The following SDCCAG8 variants were observed in gnomAD, a reference collection of about 807,000 sequenced individuals.
SDCCAG8 encodes serologically defined colon cancer antigen 8.
Under a neutral mutation model 101.8 loss-of-function variants are expected in SDCCAG8, and 74 were observed. That is an observed-to-expected ratio of 0.73 (90% CI 0.60 to 0.88). The LOEUF (loss-of-function observed/expected upper bound fraction) is 0.88, where lower values mean the gene tolerates loss of function less well. Among genes scored for constraint, SDCCAG8 ranks in the 40% least tolerant of loss-of-function variants. The pLI is 0.00. For synonymous variants in SDCCAG8, 281 were observed against 292.9 expected (o/e 0.96, Z 0.41); for missense variants, 787 against 822.6 (o/e 0.96, Z 0.53).
chr1:243,296,628 C>G (rs1388742966), intron 6 of SDCCAG8, among the ~76,000 whole-genome samples: 1 of 140,272 alleles, frequency 7.1e-6, no homozygotes, highest in Non-Finnish European at 1.5e-5. Context: ...CTGCAAGCTC[C>G]GCCTTCCGGG....
At chr1:243,477,576 C>T (rs968823404) in intron 16 of SDCCAG8, among the ~76,000 whole-genome samples, 1 of 152,248 alleles carries the variant, frequency 6.6e-6, no homozygotes, top group African/African-American at 2.4e-5. Flanking sequence ...AGTGATTCAA[C>T]AGATCTAATT....
intron 16 of SDCCAG8, among the ~76,000 whole-genome samples, chr1:243,432,452 A>G (rs143106588): frequency 2.0e-5 from 3 of 152,340 alleles, no homozygotes; most frequent in African/African-American, 7.2e-5. Flanking sequence ...CTAGGGTGAC[A>G]GTTATAATCT....
chr1:243,294,473 T>TGG (rs748640257), intron 6 of SDCCAG8, among the ~76,000 whole-genome samples: 116 of 94,920 alleles, frequency 1.2e-3, no homozygotes, highest in East Asian at 5.3e-3. Flanking sequence ...CCCCAAAAGG[T>TGG]GGGGGGGGGG....
chr1:243,405,998 A>C (rs889248392), intron 13 of SDCCAG8, among the ~76,000 whole-genome samples: 1 of 152,194 alleles, frequency 6.6e-6, no homozygotes, highest in Non-Finnish European at 1.5e-5. Context: ...TTCCATTGAC[A>C]TGTTATAGAA....
Position 243,388,977 on chromosome 1 carries a change from G to A in SDCCAG8, c.1616+10114G>A, listed in dbSNP as rs897630916. On this transcript the variant is annotated intron_variant, in intron 13 of 17. Transcript: ENST00000366541. ...TGCCTGAGTCCTGGCTATTTGGGAG[G>A]CTACGTGGTGGTGCGTGCCTGAGTC... Among the ~76,000 whole-genome samples, 7 of 150,660 alleles carry A rather than the reference G, an allele frequency of 4.6e-5. No individual in the cohort carries two copies. The South Asian group carries it at 1.3e-3, about 28-fold the overall frequency.
intron 8 of SDCCAG8, among the ~76,000 whole-genome samples, chr1:243,308,585 A>G (rs1275134484): frequency 6.6e-6 from 1 of 152,186 alleles, no homozygotes; most frequent in Non-Finnish European, 1.5e-5. Flanking sequence ...GCTGTACTTC[A>G]GGTAGAATGA....
chr1:243,371,349 C>G (rs1454438490), intron 12 of SDCCAG8, among the ~76,000 whole-genome samples: 2 of 152,150 alleles, frequency 1.3e-5, no homozygotes, highest in Non-Finnish European at 2.9e-5. Context: ...AATCTCAGCT[C>G]TGCCACTGTA....
rs1483450637 is a variant in SDCCAG8, at chr1:243,269,786, T to G, written c.68-319T>G. Among the ~76,000 whole-genome samples the G allele has an allele frequency of 2.6e-5, 4 of 152,144 alleles. No individual in the cohort carries two copies. In the East Asian group the frequency reaches 7.7e-4, roughly 29 times the overall value. On this transcript the variant is annotated intron_variant, in intron 1 of 17. Coordinates refer to ENST00000366541, the MANE Select transcript of SDCCAG8 (RefSeq NM_006642.5). ...CATGGTGGGAAGGAGAGCACTTCCC[T>G]TAGCAAGTTATTGTTTAATGGGAGC...
rs1661880683 is a variant in SDCCAG8, at chr1:243,474,240, G to T, written c.1986-14774G>T. On this transcript the variant is annotated intron_variant, in intron 16 of 17. Transcript: ENST00000366541. The surrounding 1 kb of genome is among the most constrained non-coding windows in gnomAD (Gnocchi z 4.7). ...ATTGCCTCTCAGGGGAAAGAACTTG[G>T]GACGTGAGCATGGAGTTAATGAAGC... Among the ~76,000 whole-genome samples, 1 of 152,134 alleles carries T rather than the reference G, an allele frequency of 6.6e-6. No homozygotes were observed. Among genetic ancestry groups the T allele is most frequent in the Non-Finnish European group, 1.5e-5 (1 of 68,028 alleles).
intron 6 of SDCCAG8, among the ~76,000 whole-genome samples, chr1:243,303,886 A>G (rs534796599): frequency 6.6e-6 from 1 of 152,252 alleles, no homozygotes; most frequent in East Asian, 1.9e-4. Flanking sequence ...CAGCCTAGCC[A>G]ACATGATGAA....
chr1:243,358,874 G>T (rs1444445433), intron 12 of SDCCAG8, among the ~76,000 whole-genome samples: 1 of 152,150 alleles, frequency 6.6e-6, no homozygotes, highest in African/African-American at 2.4e-5. Context: ...ACAACATATT[G>T]TATGATTCAA....
In SDCCAG8 at chr1:243,256,087, T is replaced by A; in HGVS notation, c.-87T>A. ...GCCGCGGCAGGAAGCAGGCGGGCGCTCCCCGGCCACAGGCCTGTTGTTCTC... is the reference window on the plus strand; with the variant it reads ...GCCGCGGCAGGAAGCAGGCGGGCGCACCCCGGCCACAGGCCTGTTGTTCTC... On this transcript the variant is annotated 5_prime_UTR_variant, in exon 1 of 18. Coordinates refer to ENST00000366541, the MANE Select transcript of SDCCAG8 (RefSeq NM_006642.5). 3 of 1,308,284 alleles carry A rather than the reference T, an allele frequency of 2.3e-6. No homozygotes were observed. The highest frequency in any genetic ancestry group is 2.4e-5 in the South Asian group (2 of 84,858). 81.0% of individuals were successfully genotyped at this position (1,308,284 alleles called of 1,614,324 possible).
In SDCCAG8 at chr1:243,363,075, A is replaced by G. The variant is rs143072788; in HGVS notation, c.1474-15646A>G. ...GAGGTTTGTGTCACAGACACATTTGATCAGCACATCGGTGGCATCCTCATT... is the reference window on the plus strand; with the variant it reads ...GAGGTTTGTGTCACAGACACATTTGGTCAGCACATCGGTGGCATCCTCATT... On this transcript the variant is annotated intron_variant, in intron 12 of 17. Transcript: ENST00000366541. 2.1e-3 allele frequency among the ~76,000 whole-genome samples: 314 copies of G among 152,296 alleles called. 2 individuals are homozygous for G. Among genetic ancestry groups the G allele is most frequent in the East Asian group, 0.012 (62 of 5,178 alleles).
chr1:243,412,418 T>C (rs1224494229), intron 13 of SDCCAG8, among the ~76,000 whole-genome samples: 2 of 152,152 alleles, frequency 1.3e-5, no homozygotes, highest in Non-Finnish European at 2.9e-5. Flanking sequence ...TCTCATAATG[T>C]TTTAAGGAAG....
At chr1:243,448,026 C>T (rs1030240527) in intron 16 of SDCCAG8, among the ~76,000 whole-genome samples, 8 of 152,142 alleles carry the variant, frequency 5.3e-5, no homozygotes, top group African/African-American at 1.2e-4. Context: ...CTTTATTTCC[C>T]TTATAGCATA....
At chr1:243,352,354 A>G (rs2076126380) in intron 12 of SDCCAG8, among the ~76,000 whole-genome samples, 1 of 152,218 alleles carries the variant, frequency 6.6e-6, no homozygotes, top group African/African-American at 2.4e-5. Flanking sequence ...CCCTGAAGAA[A>G]TATAATGTTT....
chr1:243,357,194 AC>A (rs2076433113), intron 12 of SDCCAG8, among the ~76,000 whole-genome samples: 1 of 152,026 alleles, frequency 6.6e-6, no homozygotes, highest in Admixed American at 6.6e-5. Flanking sequence ...CCTGACTAAT[AC>A]GGTGAAATCC....
intron 16 of SDCCAG8, among the ~76,000 whole-genome samples, chr1:243,485,825 G>T (rs1449042204): frequency 6.6e-6 from 1 of 151,780 alleles, no homozygotes; most frequent in Non-Finnish European, 1.5e-5. Flanking sequence ...CCAGGAGGCG[G>T]AGGTTGCAGT....
chr1:243,452,376 CT>C (rs2083424706), intron 16 of SDCCAG8, among the ~76,000 whole-genome samples: 4 of 147,004 alleles, frequency 2.7e-5, no homozygotes, highest in African/African-American at 7.5e-5. Flanking sequence ...TCTGTCATAC[CT>C]TTTTGACTTC....
Sources: gnomAD v4.1 joint callset for allele counts (sites outside exome capture counted in the v4.1 genomes callset) on GRCh38, gnomAD v4.1.1 for gene constraint, Gnocchi (gnomAD v3.1) non-coding constraint, MANE v1.5 for transcripts, NCBI Gene and HGNC (gene_info 2026-07-23, HGNC 2026-07-21) for gene names.